The following TTLL11 variants were observed in gnomAD, a reference collection of about 807,000 sequenced individuals.
The protein encoded by TTLL11 is tubulin polyglutamylase TTLL11.
In TTLL11, 42 loss-of-function variants were observed where a neutral mutation model predicts 51.7. The ratio of observed to expected loss-of-function variants is 0.81; its 90% CI spans 0.64 to 1.05. TTLL11 has a LOEUF of 1.05. Among genes scored for constraint, TTLL11 ranks in the 50% least tolerant of loss-of-function variants. The probability of loss-of-function intolerance (pLI) is 0.00; values close to 1 mark genes in which losing one functional copy is unlikely to be tolerated. For missense variants in TTLL11, 799 were observed against 940.4 expected (o/e 0.85, Z 1.97); for synonymous variants, 381 against 383.5 (o/e 0.99, Z 0.08).
At chr9:121,910,731 T>A (rs111419161) in intron 6 of TTLL11, among the ~76,000 whole-genome samples, 2,273 of 152,310 alleles carry the variant, frequency 0.015, 59 homozygotes, top group African/African-American at 0.051. Flanking sequence ...TCAAAAAAAA[T>A]TCTTTCCTGT....
At position 121,904,209 on chromosome 9, in the gene TTLL11, G is replaced by A. The variant is rs137965169; in HGVS notation, c.1482-33461C>T. On this transcript the variant is annotated intron_variant, in intron 6 of 8. Transcript: ENST00000321582. ...TTTTTTTTTTTTGAGACGGAGTCTC[G>A]CTCTATCGCCAGGCTGGCATGCAGT... Among the ~76,000 whole-genome samples, 231 of 147,324 alleles carry A rather than the reference G, an allele frequency of 1.6e-3. 1 individual carries two copies. Among genetic ancestry groups the A allele is most frequent in the African/African-American group, 5.2e-3 (207 of 39,458 alleles).
chr9:121,829,809 ACACAC>A (rs1836941788), intron 8 of TTLL11, among the ~76,000 whole-genome samples: 2 of 147,708 alleles, frequency 1.4e-5, no homozygotes, highest in African/African-American at 5.0e-5. Flanking sequence ...ACACACACAC[ACACAC>A]CACACACACA....
At chr9:122,026,365 G>T (rs922141683) in intron 3 of TTLL11, among the ~76,000 whole-genome samples, 1 of 151,546 alleles carries the variant, frequency 6.6e-6, no homozygotes, top group African/African-American at 2.4e-5. Context: ...TTGAACCTGG[G>T]AGGTGGAGGT....
intron 8 of TTLL11, among the ~76,000 whole-genome samples, chr9:121,825,809 C>A (rs1233506764): frequency 8.0e-5 from 12 of 150,508 alleles, no homozygotes; most frequent in Admixed American, 3.3e-4. Context: ...GTGATTAGAG[C>A]TATATGCATA....
intron 8 of TTLL11, among the ~76,000 whole-genome samples, chr9:121,827,319 C>T (rs974728189): frequency 6.6e-6 from 1 of 152,096 alleles, no homozygotes; most frequent in Admixed American, 6.5e-5. Flanking sequence ...CTTGGATCTT[C>T]ACAAGCAGCA....
rs377464299 is a variant in TTLL11 at position 121,864,067 on chromosome 9, G to A, written c.1734-3624C>T. On this transcript the variant is annotated intron_variant, in intron 7 of 8. Transcript: ENST00000321582. Reference sequence around the variant, plus strand: ...CCAGGGTGCTTGGATTTGCCCTGTGGTTACCAAACATTCTCAATAAACTCA... The same window carrying A: ...CCAGGGTGCTTGGATTTGCCCTGTGATTACCAAACATTCTCAATAAACTCA... 1.8e-4 allele frequency among the ~76,000 whole-genome samples: 28 copies of A among 152,288 alleles called. No individual in the cohort carries two copies. The East Asian group carries it at 3.5e-3, about 19-fold the overall frequency.
At chr9:121,878,583 A>G (rs1354091397) in intron 6 of TTLL11, among the ~76,000 whole-genome samples, 13 of 152,188 alleles carry the variant, frequency 8.5e-5, no homozygotes, top group Non-Finnish European at 1.3e-4. Flanking sequence ...CTGAAGGACA[A>G]GCATAAGGAC....
chr9:121,958,675 A>C (rs1427663096), intron 6 of TTLL11, among the ~76,000 whole-genome samples: 3 of 152,204 alleles, frequency 2.0e-5, no homozygotes, highest in Admixed American at 2.0e-4. Context: ...CTAAAGCCTA[A>C]AGCTTGTGAA....
intron 7 of TTLL11, 134 bp downstream of exon 7, chr9:121,870,363 A>G (rs934207864): frequency 8.3e-7 from 1 of 1,198,190 alleles, no homozygotes; most frequent in African/African-American, 1.5e-5. Context: ...CACTAGGCTA[A>G]TCCAAGCTCA....
chr9:121,839,986 G>A (rs921969854), intron 8 of TTLL11, among the ~76,000 whole-genome samples: 17 of 152,220 alleles, frequency 1.1e-4, no homozygotes, highest in African/African-American at 4.1e-4. Flanking sequence ...AGAATGTCAC[G>A]TTAGAGCACA....
chr9:121,845,393 G>C (rs1837489228), intron 8 of TTLL11, among the ~76,000 whole-genome samples: 1 of 152,122 alleles, frequency 6.6e-6, no homozygotes, highest in African/African-American at 2.4e-5. Context: ...GACTTGCTTT[G>C]TAACAAATAT....
At chr9:121,982,482 C>T (rs11789402) in intron 4 of TTLL11, among the ~76,000 whole-genome samples, 3,920 of 152,082 alleles carry the variant, frequency 0.026, 74 homozygotes, top group Non-Finnish European at 0.038. Flanking sequence ...TTTGGGAGGC[C>T]GAGGCGGGTG....
chr9:121,971,896 A>G (rs924964742), intron 6 of TTLL11, among the ~76,000 whole-genome samples: 4 of 152,002 alleles, frequency 2.6e-5, no homozygotes, highest in African/African-American at 9.7e-5. Flanking sequence ...AAAACCAAAC[A>G]CTGCACGTTC....
intron 1 of TTLL11, among the ~76,000 whole-genome samples, chr9:122,060,997 A>C (rs1039256271): frequency 6.6e-6 from 1 of 152,218 alleles, no homozygotes; most frequent in African/African-American, 2.4e-5. Context: ...TCCAGGATCA[A>C]GATGTCAGCA....
At chr9:121,860,120 G>A (rs1475617636) in intron 8 of TTLL11, among the ~76,000 whole-genome samples, 1 of 152,234 alleles carries the variant, frequency 6.6e-6, no homozygotes, top group Non-Finnish European at 1.5e-5. Flanking sequence ...TGGAATCTGA[G>A]CCTTAAGCAA....
intron 6 of TTLL11, among the ~76,000 whole-genome samples, chr9:121,911,772 G>T (rs918436438): frequency 6.6e-6 from 1 of 152,094 alleles, no homozygotes; most frequent in Non-Finnish European, 1.5e-5. Flanking sequence ...ACACACCGGG[G>T]TCTGTTGTGG....
intron 1 of TTLL11, among the ~76,000 whole-genome samples, chr9:122,068,197 T>C (rs1239158243): frequency 6.6e-6 from 1 of 152,164 alleles, no homozygotes; most frequent in Non-Finnish European, 1.5e-5. Context: ...CTAAGTTATA[T>C]TACTAAATTA....
At chr9:121,938,225 G>A (rs1210318245) in intron 6 of TTLL11, among the ~76,000 whole-genome samples, 3 of 149,798 alleles carry the variant, frequency 2.0e-5, no homozygotes, top group African/African-American at 7.4e-5. Flanking sequence ...GGATGCAGAG[G>A]TTTCAGTGAG....
At chr9:122,089,230 C>T (rs1846200785) in intron 1 of TTLL11, among the ~76,000 whole-genome samples, 2 of 152,084 alleles carry the variant, frequency 1.3e-5, no homozygotes, top group Admixed American at 1.3e-4. Context: ...CCACTCCCAC[C>T]AAAGCCAGCC....
Sources: allele counts gnomAD v4.1 joint callset (sites outside exome capture counted in the v4.1 genomes callset), GRCh38; gene constraint gnomAD v4.1.1; transcripts MANE v1.5; gene names NCBI Gene and HGNC (gene_info 2026-07-23, HGNC 2026-07-21).